The following ALG14 variants were observed in gnomAD, a reference collection of about 807,000 sequenced individuals.
ALG14 encodes ALG14 UDP-N-acetylglucosaminyltransferase subunit.
Under a neutral mutation model 22.8 loss-of-function variants are expected in ALG14, and 17 were observed. That is an observed-to-expected ratio of 0.75 (90% CI 0.51 to 1.12). ALG14 has a LOEUF of 1.12. Among genes scored for constraint, ALG14 ranks in the 50% most tolerant of loss-of-function variants. The pLI is 0.00. For missense variants in ALG14, 288 were observed against 271.8 expected, an observed-to-expected ratio of 1.06 and a Z score of -0.42; for synonymous variants, 89 against 103.7, an observed-to-expected ratio of 0.86 and a Z score of 0.86.
chr1:95,066,767 C>A (rs979889600), intron 1 of ALG14, among the ~76,000 whole-genome samples: 4 of 152,004 alleles, frequency 2.6e-5, no homozygotes, highest in African/African-American at 9.7e-5. Context: ...GGTGCGGTGG[C>A]TCATGCCTGT....
At chr1:95,069,697 C>T (rs1431993842) in intron 1 of ALG14, among the ~76,000 whole-genome samples, 8 of 152,062 alleles carry the variant, frequency 5.3e-5, no homozygotes, top group South Asian at 2.1e-4. Context: ...AAAATGAAGG[C>T]CTTAGAAGCA....
At position 95,058,600 on chromosome 1, in the gene ALG14, G is replaced by A. The variant is rs4259714; in HGVS notation, c.288+6266C>T. Among the ~76,000 whole-genome samples, 29 of 139,096 alleles carry A rather than the reference G, an allele frequency of 2.1e-4. 1 individual carries two copies. In the South Asian group the frequency reaches 5.0e-3, roughly 24 times the overall value. 91.3% of individuals were successfully genotyped at this position (139,096 alleles called of 152,430 possible). On this transcript the variant is annotated intron_variant, in intron 2 of 3. Coordinates refer to ENST00000370205, the MANE Select transcript of ALG14 (RefSeq NM_144988.4). ...CCACTGCACTCCAGCCTGGACAACA[G>A]AGTGAGATTCATTCTTAAAAAAAAA...
In ALG14 at chr1:95,072,638, G is replaced by T. The variant is rs374930688; in HGVS notation, c.136+125C>A. The T allele has an allele frequency of 3.6e-5, 50 of 1,383,382 alleles. No homozygotes were observed. The East Asian group carries it at 9.8e-4, about 27-fold the overall frequency. The allele number at this position is 1,383,382 out of a possible 1,614,324, so 85.7% of individuals were successfully genotyped here. Reference sequence around the variant, plus strand: ...GACTGCCCGGTTCCGGCAAGGCAGAGAAACTACAAATCTCTGCATGCAACA... The same window carrying T: ...GACTGCCCGGTTCCGGCAAGGCAGATAAACTACAAATCTCTGCATGCAACA... On this transcript the variant is annotated intron_variant, in intron 1 of 3. Transcript: ENST00000370205.
intron 3 of ALG14, among the ~76,000 whole-genome samples, chr1:95,005,282 T>C (rs144247766): frequency 3.5e-4 from 53 of 152,218 alleles, no homozygotes; most frequent in Non-Finnish European, 4.9e-4. Flanking sequence ...GAGTTCAGTG[T>C]GTATTTGAAG....
rs373412759 is a variant in ALG14 at position 95,002,244 on chromosome 1, T to TG, written c.421-18939dup. On this transcript the variant is annotated intron_variant, in intron 3 of 3. Coordinates refer to ENST00000370205, the MANE Select transcript of ALG14 (RefSeq NM_144988.4). ...ATATTGATAAAGCCCTGTAAGTACC[T>TG]GGGGGGGGGAACCTGGAAGGTGGGG... is the stretch of plus-strand genomic sequence containing the variant. Among the ~76,000 whole-genome samples, 722 of 148,570 alleles carry TG rather than the reference T, an allele frequency of 4.9e-3. 3 individuals are homozygous for TG. Among genetic ancestry groups the TG allele is most frequent in the South Asian group, 8.6e-3 (40 of 4,640 alleles).
chr1:95,041,108 C>T lies in ALG14; in HGVS notation c.289-13848G>A, dbSNP rs190557321. Among the ~76,000 whole-genome samples the T allele has an allele frequency of 5.6e-4, 85 of 152,218 alleles. 1 individual carries two copies. Among genetic ancestry groups the T allele is most frequent in the African/African-American group, 1.8e-3 (76 of 41,542 alleles). On this transcript the variant is annotated intron_variant, in intron 2 of 3. Coordinates refer to ENST00000370205, the MANE Select transcript of ALG14 (RefSeq NM_144988.4). Reference sequence around the variant, plus strand: ...ATAAGAATCTATTCACTGAAATGGCCACATCAGAATCTCTATTTGCAGTAA... The same window carrying T: ...ATAAGAATCTATTCACTGAAATGGCTACATCAGAATCTCTATTTGCAGTAA...
chr1:94,978,241 T>G lies in ALG14; in HGVS notation c.*4835A>C, dbSNP rs1033894640. 2.0e-5 allele frequency: 3 copies of G among 151,896 alleles called. No individual in the cohort carries two copies. Among genetic ancestry groups the G allele is most frequent in the Non-Finnish European group, 4.4e-5 (3 of 68,006 alleles). 9.4% of individuals were successfully genotyped at this position (151,896 alleles called of 1,614,324 possible). On this transcript the variant is annotated 3_prime_UTR_variant, in exon 4 of 4. Coordinates refer to ENST00000370205, the MANE Select transcript of ALG14 (RefSeq NM_144988.4). ...CCACGCCGGCAAATTTTTTGTATTTTTAGTAGAGATGGGGTTTCACCATCT... is the reference window on the plus strand; with the variant it reads ...CCACGCCGGCAAATTTTTTGTATTTGTAGTAGAGATGGGGTTTCACCATCT...
chr1:94,988,487 G>A (rs1557939499), intron 3 of ALG14, among the ~76,000 whole-genome samples: 1 of 152,172 alleles, frequency 6.6e-6, no homozygotes, highest in Non-Finnish European at 1.5e-5. Flanking sequence ...CTATTTCAGT[G>A]AGTCATTGGA....
intron 3 of ALG14, among the ~76,000 whole-genome samples, chr1:95,001,265 A>C (rs1217218357): frequency 6.6e-6 from 1 of 152,216 alleles, no homozygotes; most frequent in Non-Finnish European, 1.5e-5. Context: ...ATGCTCAGCC[A>C]GCCCCCATGG....
intron 3 of ALG14, among the ~76,000 whole-genome samples, chr1:95,017,326 A>G (rs1303341522): frequency 6.6e-6 from 1 of 152,148 alleles, no homozygotes; most frequent in Non-Finnish European, 1.5e-5. Flanking sequence ...CAACTGCAGG[A>G]AAAGCCTTAA....
intron 3 of ALG14, among the ~76,000 whole-genome samples, chr1:94,993,044 A>G (rs767884891): frequency 2.1e-4 from 32 of 150,576 alleles, no homozygotes; most frequent in Non-Finnish European, 3.5e-4. Context: ...TCTTGTCCTC[A>G]AGTCCTGTTA....
intron 1 of ALG14, among the ~76,000 whole-genome samples, chr1:95,066,061 T>C (rs1675349996): frequency 6.6e-6 from 1 of 152,162 alleles, no homozygotes; most frequent in Non-Finnish European, 1.5e-5. Context: ...TGCATTCACC[T>C]TATTCGTTAC....
At chr1:94,994,979 C>G (rs1175229694) in intron 3 of ALG14, among the ~76,000 whole-genome samples, 2 of 152,186 alleles carry the variant, frequency 1.3e-5, no homozygotes, top group Non-Finnish European at 2.9e-5. Flanking sequence ...ACAGGAAGAA[C>G]TGGCTTGAAT....
chr1:95,007,592 C>T (rs1308697338), intron 3 of ALG14, among the ~76,000 whole-genome samples: 1 of 152,218 alleles, frequency 6.6e-6, no homozygotes, highest in Non-Finnish European at 1.5e-5. Context: ...AGACTGAAAT[C>T]CTGCAGCAAC....
At chr1:95,035,364 TAGTGAAAC>T (rs948946048) in intron 2 of ALG14, among the ~76,000 whole-genome samples, 69 of 152,222 alleles carry the variant, frequency 4.5e-4, no homozygotes, top group African/African-American at 1.6e-3. Flanking sequence ...AAACATATTT[TAGTGAAAC>T]AGTGAAACAA....
intron 3 of ALG14, among the ~76,000 whole-genome samples, chr1:95,007,923 G>C (rs1673261700): frequency 6.6e-6 from 1 of 152,196 alleles, no homozygotes; most frequent in African/African-American, 2.4e-5. Flanking sequence ...CTAAATGAGA[G>C]CAGGCATATT....
chr1:95,067,274 T>C (rs527701332), intron 1 of ALG14: 16 of 152,352 alleles, frequency 1.1e-4, no homozygotes, highest in Middle Eastern at 3.4e-3. Flanking sequence ...CTGCCTAACC[T>C]TGGACTGATG....
rs1209837996 is a variant in ALG14 at position 94,975,602 on chromosome 1, C to T, written c.*7474G>A. ...GCTGCTGCACCATTCTACATTCCTA[C>T]CAGCAATGTAGGAGGGCTCCAATTT... On this transcript the variant is annotated 3_prime_UTR_variant, in exon 4 of 4. Coordinates refer to ENST00000370205, the MANE Select transcript of ALG14 (RefSeq NM_144988.4). 6.6e-6 allele frequency: 1 copy of T among 152,162 alleles called. No homozygotes were observed. The highest frequency in any genetic ancestry group is 1.5e-5 in the Non-Finnish European group (1 of 68,046). 9.4% of individuals were successfully genotyped at this position (152,162 alleles called of 1,614,324 possible).
intron 3 of ALG14, among the ~76,000 whole-genome samples, chr1:94,985,018 T>C (rs1007533330): frequency 6.6e-6 from 1 of 152,172 alleles, no homozygotes; most frequent in African/African-American, 2.4e-5. Flanking sequence ...CACAAGCAAG[T>C]TGTATCATCC....
Sources: gnomAD v4.1 joint callset for allele counts (sites outside exome capture counted in the v4.1 genomes callset) on GRCh38, gnomAD v4.1.1 for gene constraint, MANE v1.5 for transcripts, NCBI Gene and HGNC (gene_info 2026-07-23, HGNC 2026-07-21) for gene names.